SLIT3: variants seen among roughly 807,000 people sequenced by gnomAD.
SLIT3 encodes the protein slit homolog 3 protein.
SLIT3 carries 68 observed loss-of-function variants against 184.0 expected under a neutral mutation model. That is an observed-to-expected ratio of 0.37 (90% CI 0.30 to 0.45). SLIT3 has a LOEUF of 0.45. Ranked by LOEUF, SLIT3 falls within the 20% of genes least tolerant of loss-of-function variation. The pLI, the probability that SLIT3 is intolerant of heterozygous loss-of-function variation, is 1.00. For synonymous variants in SLIT3, 831 were observed against 828.6 expected, an observed-to-expected ratio of 1.00 and a Z score of -0.05; for missense variants, 1,707 against 2,026.0, an observed-to-expected ratio of 0.84 and a Z score of 3.02.
chr5:168,736,570 G>T (rs974207610), intron 20 of SLIT3, among the ~76,000 whole-genome samples: 5 of 152,186 alleles, frequency 3.3e-5, no homozygotes, highest in African/African-American at 9.7e-5. Flanking sequence ...GCTAGAGAAG[G>T]CCCAGCTGTC....
At chr5:168,833,591 T>A (rs1216663561) in intron 6 of SLIT3, among the ~76,000 whole-genome samples, 2 of 152,236 alleles carry the variant, frequency 1.3e-5, no homozygotes, top group East Asian at 3.9e-4. Context: ...GTTGTCCTCA[T>A]GCTGAATGCA....
chr5:168,718,396 AT>A (rs1762817689), intron 23 of SLIT3, among the ~76,000 whole-genome samples: 1 of 152,070 alleles, frequency 6.6e-6, no homozygotes, highest in Non-Finnish European at 1.5e-5. Flanking sequence ...ACACACTGAA[AT>A]TGCCTGCCCA....
At chr5:169,067,134 G>C (rs115788938) in intron 4 of SLIT3, among the ~76,000 whole-genome samples, 1,623 of 152,258 alleles carry the variant, frequency 0.011, 38 homozygotes, top group African/African-American at 0.036. Context: ...AATTGGCCGG[G>C]TACAGTGGCT....
chr5:168,989,358 A>C (rs1005071717), intron 4 of SLIT3, among the ~76,000 whole-genome samples: 12 of 152,252 alleles, frequency 7.9e-5, no homozygotes, highest in African/African-American at 2.7e-4. Context: ...ATTCTTCTAC[A>C]AAATAGAAGA....
chr5:169,227,575 G>A (rs369147853), intron 3 of SLIT3, among the ~76,000 whole-genome samples: 28 of 152,158 alleles, frequency 1.8e-4, no homozygotes, highest in African/African-American at 4.1e-4. Context: ...TTACAGGCAC[G>A]CACCACCACA....
chr5:168,929,212 G>A lies in SLIT3; in HGVS notation c.414-45876C>T, dbSNP rs115023225. On this transcript the variant is annotated intron_variant, in intron 4 of 35. Coordinates refer to ENST00000519560, the MANE Select transcript of SLIT3 (RefSeq NM_003062.4). ...CTTCCCAACTCTACCTTAAACCATC[G>A]GATAAACCATTTTACCCCCAAGTGT... Among the ~76,000 whole-genome samples the A allele has an allele frequency of 9.8e-3, 1,496 of 152,054 alleles. 21 individuals are homozygous for A. The highest frequency in any genetic ancestry group is 0.034 in the African/African-American group (1,398 of 41,476).
intron 3 of SLIT3, among the ~76,000 whole-genome samples, chr5:169,225,947 G>A (rs1764792432): frequency 6.6e-6 from 1 of 152,168 alleles, no homozygotes; most frequent in Non-Finnish European, 1.5e-5. Flanking sequence ...GGGCCAGAGT[G>A]GAAGCAGACA....
chr5:168,893,241 T>G (rs1760533665), intron 4 of SLIT3, among the ~76,000 whole-genome samples: 1 of 152,196 alleles, frequency 6.6e-6, no homozygotes, highest in Non-Finnish European at 1.5e-5. Flanking sequence ...TTCAAAAGGA[T>G]GGAGACTGGC....
At chr5:169,240,579 CTTTTTT>C (rs67955225) in intron 3 of SLIT3, among the ~76,000 whole-genome samples, 9 of 114,348 alleles carry the variant, frequency 7.9e-5, no homozygotes, top group Non-Finnish European at 1.4e-4. Context: ...CTATCATTTT[CTTTTTT>C]TTTTTTTTTT....
Position 169,234,816 on chromosome 5 carries a change from G to A in SLIT3, c.341+9889C>T, listed in dbSNP as rs184385676. 1.3e-3 allele frequency among the ~76,000 whole-genome samples: 203 copies of A among 152,262 alleles called. No individual in the cohort carries two copies. The Middle Eastern group carries it at 0.017, about 13-fold the overall frequency. ...CTGCAGTCACTGCACTTGAATGTCA[G>A]CAAGGCTAAATATAAATGCTGTTGC... On this transcript the variant is annotated intron_variant, in intron 3 of 35. Coordinates refer to ENST00000519560, the MANE Select transcript of SLIT3 (RefSeq NM_003062.4).
At chr5:169,247,838 G>T (rs7712575) in intron 2 of SLIT3, among the ~76,000 whole-genome samples, 7,309 of 152,084 alleles carry the variant, frequency 0.048, 192 homozygotes, top group Admixed American at 0.058. Flanking sequence ...TGTCCAGGCT[G>T]GTCTTGAACT....
intron 13 of SLIT3, 68 bp from the exon 14 acceptor site, chr5:168,773,012 C>A: frequency 2.0e-6 from 3 of 1,482,052 alleles, no homozygotes; most frequent in Admixed American, 2.2e-5. Context: ...CACCACCCTG[C>A]CTCGCGCTGG....
At chr5:169,026,442 T>C (rs1307031314) in intron 4 of SLIT3, 1 of 152,120 alleles carries the variant, frequency 6.6e-6, no homozygotes, top group African/African-American at 2.4e-5. Flanking sequence ...GACAAGCAAA[T>C]ATCAGGGACC....
At chr5:168,941,610 T>G (rs182556149) in intron 4 of SLIT3, among the ~76,000 whole-genome samples, 170 of 152,246 alleles carry the variant, frequency 1.1e-3, no homozygotes, top group Non-Finnish European at 9.1e-4. Context: ...AGTGGAGAAA[T>G]GGAAATCCAG....
At chr5:168,967,329 C>CT (rs1484727572) in intron 4 of SLIT3, among the ~76,000 whole-genome samples, 4 of 147,950 alleles carry the variant, frequency 2.7e-5, no homozygotes, top group Non-Finnish European at 1.5e-5. Context: ...AATTATTTTT[C>CT]TTTTTTGGCT....
At chr5:169,182,525 T>C (rs568701826) in intron 4 of SLIT3, among the ~76,000 whole-genome samples, 40 of 152,350 alleles carry the variant, frequency 2.6e-4, no homozygotes, top group East Asian at 3.9e-4. Context: ...GAAATTATGC[T>C]AGAATTTGGG....
chr5:169,096,554 A>G (rs182677799), intron 4 of SLIT3, among the ~76,000 whole-genome samples: 189 of 152,358 alleles, frequency 1.2e-3, no homozygotes, highest in Non-Finnish European at 1.8e-3. Context: ...CTTTATTTAC[A>G]AAATAGCCAT....
At chr5:169,268,223 G>C (rs1054850188) in intron 1 of SLIT3, among the ~76,000 whole-genome samples, 3 of 152,268 alleles carry the variant, frequency 2.0e-5, no homozygotes, top group Admixed American at 2.0e-4. Context: ...GAGGAGTGGC[G>C]GAGGGGGGAA....
At chr5:168,786,031 A>G (rs1192075976) in intron 11 of SLIT3, 53 bp from the exon 12 acceptor site, 15 of 1,283,148 alleles carry the variant, frequency 1.2e-5, no homozygotes, top group Non-Finnish European at 1.6e-5. Context: ...GGCCACCAGA[A>G]CCCAGTCCTG....
Sources: allele counts gnomAD v4.1 joint callset (sites outside exome capture counted in the v4.1 genomes callset), GRCh38; gene constraint gnomAD v4.1.1; transcripts MANE v1.5; gene names NCBI Gene and HGNC (gene_info 2026-07-23, HGNC 2026-07-21).